Variants in HS6ST3 observed in about 807,000 individuals in gnomAD.
HS6ST3 encodes the protein heparan-sulfate 6-O-sulfotransferase 3.
In HS6ST3, 12 loss-of-function variants were observed where a neutral mutation model predicts 36.7. That is an observed-to-expected ratio of 0.33 (90% CI 0.21 to 0.53). HS6ST3 has a LOEUF of 0.53. Among genes scored for constraint, HS6ST3 ranks in the 20% least tolerant of loss-of-function variants. The pLI, the probability that HS6ST3 is intolerant of heterozygous loss-of-function variation, is 0.95. For missense variants in HS6ST3, 584 were observed against 640.9 expected, an observed-to-expected ratio of 0.91 and a Z score of 0.96; for synonymous variants, 240 against 257.5, an observed-to-expected ratio of 0.93 and a Z score of 0.65.
chr13:96,250,563 T>C (rs1300574463), intron 1 of HS6ST3, among the ~76,000 whole-genome samples: 1 of 152,208 alleles, frequency 6.6e-6, no homozygotes, highest in African/African-American at 2.4e-5. Context: ...AATTCTCCTC[T>C]CAGAGTCTTC....
At chr13:96,291,881 A>G (rs1383549770) in intron 1 of HS6ST3, among the ~76,000 whole-genome samples, 1 of 152,180 alleles carries the variant, frequency 6.6e-6, no homozygotes, top group Non-Finnish European at 1.5e-5. Flanking sequence ...GACAAAAAGT[A>G]CATTCTTGTT....
At chr13:96,711,981 T>C (rs914602333) in intron 1 of HS6ST3, among the ~76,000 whole-genome samples, 1 of 152,214 alleles carries the variant, frequency 6.6e-6, no homozygotes, top group African/African-American at 2.4e-5. Flanking sequence ...ACTTTGAAGT[T>C]AGGATTTCTT....
intron 1 of HS6ST3, among the ~76,000 whole-genome samples, chr13:96,805,946 G>C (rs529929190): frequency 3.9e-5 from 6 of 152,158 alleles, no homozygotes; most frequent in South Asian, 2.1e-4. Context: ...GGACTCTAAT[G>C]CTCTGGCTTA....
intron 1 of HS6ST3, among the ~76,000 whole-genome samples, chr13:96,812,799 C>CA (rs1878344925): frequency 6.7e-6 from 1 of 150,030 alleles, no homozygotes; most frequent in Non-Finnish European, 1.5e-5. Context: ...ACACACACAC[C>CA]CCTTAGGCTT....
intron 1 of HS6ST3, among the ~76,000 whole-genome samples, chr13:96,548,663 T>C (rs2138946896): frequency 6.6e-6 from 1 of 152,274 alleles, no homozygotes; most frequent in East Asian, 1.9e-4. Context: ...TTGGCTTGTG[T>C]CCAAAATCTG....
At chr13:96,174,901 T>C (rs1282693165) in intron 1 of HS6ST3, among the ~76,000 whole-genome samples, 1 of 152,156 alleles carries the variant, frequency 6.6e-6, no homozygotes, top group Non-Finnish European at 1.5e-5. Flanking sequence ...TGGGTACAAC[T>C]TTCTGTTTTT....
At chr13:96,161,410 A>C (rs2054135203) in intron 1 of HS6ST3, among the ~76,000 whole-genome samples, 1 of 152,264 alleles carries the variant, frequency 6.6e-6, no homozygotes, top group Middle Eastern at 3.4e-3. Flanking sequence ...AATTGCATAG[A>C]TTCTTTGAGT....
At chr13:96,537,385 A>C (rs2056160141) in intron 1 of HS6ST3, among the ~76,000 whole-genome samples, 1 of 152,200 alleles carries the variant, frequency 6.6e-6, no homozygotes, top group Non-Finnish European at 1.5e-5. Context: ...GGGTGGGGAC[A>C]CAGCTAAACC....
At chr13:96,656,462 A>T (rs567575793) in intron 1 of HS6ST3, among the ~76,000 whole-genome samples, 271 of 152,302 alleles carry the variant, frequency 1.8e-3, no homozygotes, top group African/African-American at 6.4e-3. Context: ...AAGAGATATG[A>T]CAGAAATCCA....
intron 1 of HS6ST3, among the ~76,000 whole-genome samples, chr13:96,230,203 T>G (rs146912963): frequency 6.6e-6 from 1 of 152,238 alleles, no homozygotes; most frequent in East Asian, 1.9e-4. Context: ...TTTTGTCTTT[T>G]AGAGTGTAAT....
intron 1 of HS6ST3, among the ~76,000 whole-genome samples, chr13:96,110,133 T>G (rs1018659820): frequency 6.6e-6 from 1 of 152,236 alleles, no homozygotes. Flanking sequence ...GCTGGCTATA[T>G]AAGCATGGCA....
At chr13:96,202,422 A>G (rs551068865) in intron 1 of HS6ST3, among the ~76,000 whole-genome samples, 58 of 152,132 alleles carry the variant, frequency 3.8e-4, no homozygotes, top group Non-Finnish European at 5.3e-4. Context: ...CCCTGCCCCA[A>G]TCATCTATAA....
At chr13:96,584,976 T>C (rs2056355311) in intron 1 of HS6ST3, among the ~76,000 whole-genome samples, 1 of 152,206 alleles carries the variant, frequency 6.6e-6, no homozygotes, top group African/African-American at 2.4e-5. Context: ...TTTAGGGTAC[T>C]CTTAGCAGAG....
chr13:96,618,994 G>C (rs2056484458), intron 1 of HS6ST3, among the ~76,000 whole-genome samples: 1 of 151,364 alleles, frequency 6.6e-6, no homozygotes, highest in Non-Finnish European at 1.5e-5. Flanking sequence ...CAAAGAATAT[G>C]GAGGAGTTGG....
intron 1 of HS6ST3, among the ~76,000 whole-genome samples, chr13:96,315,225 ATC>A (rs1480285703): frequency 6.6e-6 from 1 of 152,172 alleles, no homozygotes; most frequent in African/African-American, 2.4e-5. Context: ...TTTCTCTAAG[ATC>A]TTGACAACTG....
At chr13:96,552,886 C>T (rs1470795923) in intron 1 of HS6ST3, among the ~76,000 whole-genome samples, 1 of 152,110 alleles carries the variant, frequency 6.6e-6, no homozygotes, top group Non-Finnish European at 1.5e-5. Flanking sequence ...CAAAGGAATC[C>T]AGCTACCAGA....
At chr13:96,627,408 A>T (rs539771318) in intron 1 of HS6ST3, among the ~76,000 whole-genome samples, 1 of 152,106 alleles carries the variant, frequency 6.6e-6, no homozygotes, top group African/African-American at 2.4e-5. Flanking sequence ...ATACCATGAT[A>T]GATTTTACTT....
At chr13:96,327,674 G>A (rs542201696) in intron 1 of HS6ST3, among the ~76,000 whole-genome samples, 2 of 151,668 alleles carry the variant, frequency 1.3e-5, no homozygotes, top group Non-Finnish European at 2.9e-5. Context: ...CTCTTTTTTG[G>A]TTCCATATGA....
intron 1 of HS6ST3, among the ~76,000 whole-genome samples, chr13:96,746,567 G>A (rs2138488847): frequency 6.6e-6 from 1 of 152,026 alleles, no homozygotes; most frequent in East Asian, 1.9e-4. Flanking sequence ...TCCATTTTTT[G>A]CATTTTAAGA....
Sources: gnomAD v4.1 joint callset for allele counts (sites outside exome capture counted in the v4.1 genomes callset) on GRCh38, gnomAD v4.1.1 for gene constraint, MANE v1.5 for transcripts, NCBI Gene and HGNC (gene_info 2026-07-23, HGNC 2026-07-21) for gene names.